The following RLF variants were observed in gnomAD, a reference collection of about 807,000 sequenced individuals.
RLF encodes the protein zinc finger protein Rlf.
Under a neutral mutation model 162.9 loss-of-function variants are expected in RLF, and 7 were observed. That is an observed-to-expected ratio of 0.04 (90% CI 0.02 to 0.08). RLF has a LOEUF of 0.08. Among genes scored for constraint, RLF ranks in the 10% least tolerant of loss-of-function variants. The pLI, the probability that RLF is intolerant of heterozygous loss-of-function variation, is 1.00. For missense variants in RLF, 1,664 were observed against 2,244.7 expected (o/e 0.74, Z 5.23); for synonymous variants, 782 against 791.5 (o/e 0.99, Z 0.20).
intron 1 of RLF, among the ~76,000 whole-genome samples, chr1:40,183,592 A>C (rs1344579889): frequency 6.6e-6 from 1 of 152,216 alleles, no homozygotes; most frequent in African/African-American, 2.4e-5. Context: ...TTAAAAGCAC[A>C]CTTAAAATAG....
At chr1:40,222,497 GAAGTT>G in intron 5 of RLF, 72 bp from the exon 6 acceptor site, 1 of 1,449,632 alleles carries the variant, frequency 6.9e-7, no homozygotes, top group East Asian at 2.3e-5. Flanking sequence ...GCCTCATTAA[GAAGTT>G]TCACCTTATA....
chr1:40,216,436 T>C (rs141982588), intron 5 of RLF, among the ~76,000 whole-genome samples: 7,849 of 150,194 alleles, frequency 0.052, 594 homozygotes, highest in African/African-American at 0.17. Flanking sequence ...TGCAGTGAGC[T>C]GAGATTGTGC....
chr1:40,186,110 A>C (rs1488627465), intron 1 of RLF, among the ~76,000 whole-genome samples: 1 of 152,034 alleles, frequency 6.6e-6, no homozygotes, highest in Non-Finnish European at 1.5e-5. Context: ...GTGAGCCGAG[A>C]TTTCACCACC....
chr1:40,171,293 C>T (rs1642241515), intron 1 of RLF, among the ~76,000 whole-genome samples: 1 of 152,144 alleles, frequency 6.6e-6, no homozygotes, highest in South Asian at 2.1e-4. Context: ...CCTCCCAAGG[C>T]ACTGGGATTA....
intron 1 of RLF, among the ~76,000 whole-genome samples, chr1:40,165,504 G>A (rs377024052): frequency 1.3e-5 from 2 of 152,302 alleles, no homozygotes; most frequent in East Asian, 3.9e-4. Context: ...TTAGGGCCCA[G>A]TATAAATGTC....
chr1:40,238,479 A>T lies in RLF; in HGVS notation c.3777A>T (p.Ser1259=). The change falls in exon 8 of 8, where the codon TCA becomes TCT. Residue 1259 remains serine, a synonymous_variant. Transcript: ENST00000372771. This position sits in a 1 kb window ranked among gnomAD's most constrained non-coding sequence, Gnocchi z 5.2. ...DECSSETDLE[S]SCEETESKTS... ...GTAGTTCTGAAACAGATTTGGAATC[A>T]TCTTGTGAAGAAACAGAAAGTAAAA... 1 of 1,614,132 alleles carries T rather than the reference A, an allele frequency of 6.2e-7. No homozygotes were observed. The highest frequency in any genetic ancestry group is 8.5e-7 in the Non-Finnish European group (1 of 1,180,010).
chr1:40,180,212 G>A (rs1642387677), intron 1 of RLF, among the ~76,000 whole-genome samples: 1 of 151,944 alleles, frequency 6.6e-6, no homozygotes, highest in Non-Finnish European at 1.5e-5. Context: ...AATGCACAGG[G>A]GTTCCTATTT....
intron 1 of RLF, among the ~76,000 whole-genome samples, chr1:40,169,844 C>T (rs985956878): frequency 6.6e-6 from 1 of 151,580 alleles, no homozygotes; most frequent in Non-Finnish European, 1.5e-5. Flanking sequence ...AGGTGCTCAT[C>T]ACCACACCCG....
Position 40,238,486 on chromosome 1 carries a change from G to A in RLF, c.3784G>A (p.Glu1262Lys). 6.2e-7 allele frequency: 1 copy of A among 1,614,054 alleles called. No individual in the cohort carries two copies. Among genetic ancestry groups the A allele is most frequent in the Non-Finnish European group, 8.5e-7 (1 of 1,180,004 alleles). ...TGAAACAGATTTGGAATCATCTTGT[G>A]AAGAAACAGAAAGTAAAACATCTGA... ...SSETDLESSC[E>K]ETESKTSDIS... The change falls in exon 8 of 8, where the codon GAA becomes AAA. Residue 1262 changes from glutamate to lysine, a missense_variant. Glu to Lys is a moderately conservative substitution (Grantham distance 56). This residue lies in a region of RLF where 102 missense variants were observed against 109.5 expected (regional missense o/e 0.93). Transcript: ENST00000372771. The surrounding 1 kb of genome is among the most constrained non-coding windows in gnomAD (Gnocchi z 5.2).
chr1:40,194,608 CA>C (rs529882214), intron 3 of RLF, among the ~76,000 whole-genome samples: 1 of 148,704 alleles, frequency 6.7e-6, no homozygotes. Context: ...ACCAACAAAA[CA>C]AAAAAAATAA....
intron 5 of RLF, among the ~76,000 whole-genome samples, chr1:40,215,091 A>G (rs1642909129): frequency 1.3e-5 from 2 of 152,122 alleles, no homozygotes; most frequent in Admixed American, 6.5e-5. Flanking sequence ...TTGAATTACC[A>G]GAAGAAAGAA....
At chr1:40,227,744 C>T (rs976956927) in intron 6 of RLF, among the ~76,000 whole-genome samples, 22 of 152,142 alleles carry the variant, frequency 1.4e-4, no homozygotes, top group Non-Finnish European at 4.4e-5. Context: ...GTGGTTTACA[C>T]CTGTAATCCC....
At position 40,239,660 on chromosome 1, in the gene RLF, G is replaced by A. The variant is rs563426853; in HGVS notation, c.4958G>A (p.Gly1653Glu). 5.1e-5 allele frequency: 82 copies of A among 1,614,104 alleles called. 2 individuals are homozygous for A. The South Asian group carries it at 8.7e-4, about 17-fold the overall frequency. The change falls in exon 8 of 8, where the codon GGG becomes GAG. Residue 1653 changes from glycine to glutamate, a missense_variant. Transcript: ENST00000372771. ...HSSERDGGQKGCIESSSVFDA... is the reference protein window; with the variant it reads ...HSSERDGGQKECIESSSVFDA... ...AGTGAAAGGGATGGAGGTCAGAAAG[G>A]GTGCATAGAAAGCAGCTCAGTATTT...
intron 1 of RLF, among the ~76,000 whole-genome samples, chr1:40,179,864 A>G (rs1161334178): frequency 6.6e-6 from 1 of 152,140 alleles, no homozygotes; most frequent in Non-Finnish European, 1.5e-5. Context: ...TCTTGTTGTG[A>G]CTGCCATATT....
intron 1 of RLF, among the ~76,000 whole-genome samples, chr1:40,184,962 TACAGTGGCTC>T (rs1642454466): frequency 6.6e-6 from 1 of 152,030 alleles, no homozygotes; most frequent in Non-Finnish European, 1.5e-5. Context: ...CGTGGCTGGG[TACAGTGGCTC>T]ACACCTGTAA....
At chr1:40,225,254 T>C (rs1436856386) in intron 6 of RLF, among the ~76,000 whole-genome samples, 3 of 152,098 alleles carry the variant, frequency 2.0e-5, no homozygotes, top group Non-Finnish European at 4.4e-5. Context: ...TTGAGTGTAG[T>C]TACCATGAAG....
rs79697404 is a variant in RLF, at chr1:40,239,729, A to T, written c.5027A>T (p.His1676Leu). The part of the protein sequence containing the change: ...LLYRGTLKCN[H>L]SSKTTSLEQC... ...TACAGGGGAACTTTGAAATGTAATC[A>T]TAGTTCCAAAACCACTTCCCTAGAA... Residue 1676 changes from histidine to leucine, a missense_variant, in exon 8 of 8, where the codon CAT becomes CTT. His to Leu is a moderately conservative substitution (Grantham distance 99). Coordinates refer to ENST00000372771, the MANE Select transcript of RLF (RefSeq NM_012421.4). 7.5e-5 allele frequency: 121 copies of T among 1,614,200 alleles called. No individual in the cohort carries two copies. In the East Asian group the frequency reaches 2.3e-3, roughly 30 times the overall value.
Position 40,231,808 on chromosome 1 carries a change from A to G in RLF, c.1089+150A>G, listed in dbSNP as rs898036667. The stretch of plus-strand genomic sequence containing the variant: ...ATTGACCACATCTGACTGTTTCTCC[A>G]GATTGACTTCCTATAATTAATCAGA... On this transcript the variant is annotated intron_variant, in intron 7 of 7. Transcript: ENST00000372771. 4.5e-5 allele frequency: 30 copies of G among 664,042 alleles called. No homozygotes were observed. The Admixed American group carries it at 1.0e-3, about 23-fold the overall frequency. 41.1% of individuals were successfully genotyped at this position (664,042 alleles called of 1,614,324 possible).
At position 40,167,581 on chromosome 1, in the gene RLF, A is replaced by G. The variant is rs545325289; in HGVS notation, c.237+5945A>G. On this transcript the variant is annotated intron_variant, in intron 1 of 7. Transcript: ENST00000372771. ...TGACAAAAACTTACTGCAAGACTGC[A>G]AAGACTAAAACGTGTTTTATTTTCA... Among the ~76,000 whole-genome samples the G allele has an allele frequency of 4.4e-4, 67 of 152,244 alleles. No individual in the cohort carries two copies. In the South Asian group the frequency reaches 0.012, roughly 28 times the overall value.
Sources: allele counts gnomAD v4.1 joint callset (sites outside exome capture counted in the v4.1 genomes callset), GRCh38; gene constraint gnomAD v4.1.1; regional missense constraint gnomAD v4.1.1; non-coding constraint Gnocchi (gnomAD v3.1); transcripts MANE v1.5; gene names NCBI Gene and HGNC (gene_info 2026-07-23, HGNC 2026-07-21).